The following PDGFD variants were observed in gnomAD, a reference collection of about 807,000 sequenced individuals.
PDGFD encodes platelet derived growth factor D.
In PDGFD, 30 loss-of-function variants were observed where a neutral mutation model predicts 44.7. That is an observed-to-expected ratio of 0.67 (90% confidence interval 0.50 to 0.91). PDGFD has a LOEUF of 0.91. Ranked by LOEUF, PDGFD falls within the 40% of genes least tolerant of loss-of-function variation. PDGFD has a pLI of 0.00. For synonymous variants in PDGFD, 173 were observed against 168.4 expected, an observed-to-expected ratio of 1.03 and a Z score of -0.21; for missense variants, 445 against 457.8, an observed-to-expected ratio of 0.97 and a Z score of 0.25.
chr11:104,064,151 CA>C (rs1860753302), intron 1 of PDGFD, among the ~76,000 whole-genome samples: 1 of 152,156 alleles, frequency 6.6e-6, no homozygotes, highest in East Asian at 1.9e-4. Context: ...TGTGTTTATA[CA>C]GTAGAAAATA....
At chr11:104,032,228 T>G (rs907376104) in intron 1 of PDGFD, among the ~76,000 whole-genome samples, 1 of 152,100 alleles carries the variant, frequency 6.6e-6, no homozygotes, top group African/African-American at 2.4e-5. Context: ...AATAAATAAC[T>G]ATCCAAAGAA....
At chr11:103,986,342 A>T (rs1444834882) in intron 3 of PDGFD, among the ~76,000 whole-genome samples, 2 of 152,212 alleles carry the variant, frequency 1.3e-5, no homozygotes, top group African/African-American at 4.8e-5. Context: ...AGAGTAGAAC[A>T]GAGTTCCAAA....
intron 1 of PDGFD, among the ~76,000 whole-genome samples, chr11:104,128,203 C>T (rs1410704741): frequency 7.1e-6 from 1 of 141,448 alleles, no homozygotes; most frequent in Non-Finnish European, 1.5e-5. Flanking sequence ...AGGGACATTA[C>T]CTGTGCCCAT....
rs1057172556 is a variant in PDGFD, at chr11:103,947,731, G to T, written c.511-7C>A. 92 of 1,611,202 alleles carry T rather than the reference G, an allele frequency of 5.7e-5. No individual in the cohort carries two copies. The highest frequency in any genetic ancestry group is 7.6e-5 in the Non-Finnish European group (90 of 1,177,626). On this transcript the variant is annotated splice_region_variant and splice_polypyrimidine_tract_variant and intron_variant, in intron 3 of 6. Coordinates refer to ENST00000393158, the MANE Select transcript of PDGFD (RefSeq NM_025208.5). ...CTGCGGGTTGGAAATCTTCCTGGAAGGCAAAGAAACATCTGTGAGTCAGTC... is the reference window on the plus strand; with the variant it reads ...CTGCGGGTTGGAAATCTTCCTGGAATGCAAAGAAACATCTGTGAGTCAGTC...
At chr11:103,977,359 T>G (rs968900100) in intron 3 of PDGFD, among the ~76,000 whole-genome samples, 35 of 152,274 alleles carry the variant, frequency 2.3e-4, no homozygotes, top group Admixed American at 9.2e-4. Flanking sequence ...AGCATCATCC[T>G]GATACCAAAA....
intron 1 of PDGFD, among the ~76,000 whole-genome samples, chr11:104,138,764 G>A (rs1453656994): frequency 6.6e-6 from 1 of 152,024 alleles, no homozygotes; most frequent in Non-Finnish European, 1.5e-5. Flanking sequence ...GTACAGTATG[G>A]AGTCTCATTT....
rs1234520748 is a variant in PDGFD at position 103,909,263 on chromosome 11, T to A, written c.*431A>T. The A allele has an allele frequency of 1.3e-5, 2 of 152,966 alleles. No homozygotes were observed. Among genetic ancestry groups the A allele is most frequent in the African/African-American group, 4.8e-5 (2 of 41,468 alleles). The allele number at this position is 152,966 out of a possible 1,614,324, so 9.5% of individuals were successfully genotyped here. ...CAAAATTGTTTTGTGTTTCAAAATT[T>A]AAAAATAAATTTATCTCCTAAATTT... is the stretch of plus-strand genomic sequence containing the variant. On this transcript the variant is annotated 3_prime_UTR_variant, in exon 7 of 7. Transcript: ENST00000393158.
chr11:104,079,048 A>C (rs1861007677), intron 1 of PDGFD, among the ~76,000 whole-genome samples: 1 of 152,206 alleles, frequency 6.6e-6, no homozygotes, highest in African/African-American at 2.4e-5. Flanking sequence ...TGTTATTTTC[A>C]CATTAGCAGA....
intron 1 of PDGFD, among the ~76,000 whole-genome samples, chr11:104,131,992 C>CT (rs1179606046): frequency 6.8e-6 from 1 of 148,072 alleles, no homozygotes; most frequent in Non-Finnish European, 1.5e-5. Context: ...CAAAACAAAA[C>CT]AAAACAAAAA....
In PDGFD at chr11:104,154,606, T is replaced by C. The variant is rs181574813; in HGVS notation, c.124+9198A>G. ...ACAGTAAAACAACTTTTGCGTATTG[T>C]GGGACAGTGCAAAGAAACTAGAACA... On this transcript the variant is annotated intron_variant, in intron 1 of 6. Coordinates refer to ENST00000393158, the MANE Select transcript of PDGFD (RefSeq NM_025208.5). 5.9e-5 allele frequency among the ~76,000 whole-genome samples: 9 copies of C among 152,202 alleles called. No individual in the cohort carries two copies. The East Asian group carries it at 1.7e-3, about 29-fold the overall frequency.
intron 3 of PDGFD, among the ~76,000 whole-genome samples, chr11:103,994,710 C>T (rs1859509632): frequency 6.6e-6 from 1 of 151,810 alleles, no homozygotes; most frequent in Admixed American, 6.6e-5. Context: ...CAGAGACAAA[C>T]CGAAAGAAAG....
intron 3 of PDGFD, among the ~76,000 whole-genome samples, chr11:103,960,208 A>C (rs959396145): frequency 1.3e-5 from 2 of 152,208 alleles, no homozygotes; most frequent in Admixed American, 6.5e-5. Context: ...GTGCCAAAAA[A>C]AGGATAAACT....
intron 1 of PDGFD, among the ~76,000 whole-genome samples, chr11:104,042,544 T>C (rs1247283212): frequency 2.0e-5 from 3 of 152,246 alleles, no homozygotes; most frequent in Admixed American, 6.5e-5. Context: ...AGTTTTTCTA[T>C]ATTTCAAATA....
At chr11:104,105,753 A>C (rs956750971) in intron 1 of PDGFD, among the ~76,000 whole-genome samples, 2 of 152,156 alleles carry the variant, frequency 1.3e-5, no homozygotes, top group African/African-American at 4.8e-5. Context: ...GACAATAAAA[A>C]TGGAAGAAGT....
chr11:103,931,099 TATA>T (rs1318059756), intron 5 of PDGFD, among the ~76,000 whole-genome samples: 1 of 152,124 alleles, frequency 6.6e-6, no homozygotes, highest in Admixed American at 6.5e-5. Flanking sequence ...ATAAAACCAA[TATA>T]ATATTTCACA....
chr11:104,029,506 G>T (rs1860093216), intron 1 of PDGFD, among the ~76,000 whole-genome samples: 1 of 152,210 alleles, frequency 6.6e-6, no homozygotes, highest in African/African-American at 2.4e-5. Context: ...TTATAAGACA[G>T]TTGTGGAAAC....
chr11:104,141,738 T>C (rs1243735782), intron 1 of PDGFD, among the ~76,000 whole-genome samples: 4 of 152,092 alleles, frequency 2.6e-5, no homozygotes, highest in Non-Finnish European at 5.9e-5. Flanking sequence ...GAGAAGGCAA[T>C]GTGACCATGA....
intron 1 of PDGFD, among the ~76,000 whole-genome samples, chr11:104,036,224 G>C (rs260802): frequency 0.031 from 4,671 of 152,128 alleles, 256 homozygotes; most frequent in African/African-American, 0.11. Context: ...GGGATTGCTT[G>C]AGCCCAGGAG....
At chr11:104,096,499 T>C (rs1000255462) in intron 1 of PDGFD, among the ~76,000 whole-genome samples, 1 of 152,146 alleles carries the variant, frequency 6.6e-6, no homozygotes, top group African/African-American at 2.4e-5. Flanking sequence ...ATCCCCAAAT[T>C]CCCTTTCTTC....
Sources: allele counts gnomAD v4.1 joint callset (sites outside exome capture counted in the v4.1 genomes callset), GRCh38; gene constraint gnomAD v4.1.1; transcripts MANE v1.5; gene names NCBI Gene and HGNC (gene_info 2026-07-23, HGNC 2026-07-21).